The following DYNC1I1 variants were observed in gnomAD, a reference collection of about 807,000 sequenced individuals.
DYNC1I1 encodes the protein dynein cytoplasmic 1 intermediate chain 1.
A neutral mutation model predicts 86.6 loss-of-function variants in DYNC1I1; 43 were observed. That is an observed-to-expected ratio of 0.50 (90% CI 0.39 to 0.64). DYNC1I1 has a LOEUF of 0.64. Ranked by LOEUF, DYNC1I1 falls within the 30% of genes least tolerant of loss-of-function variation. The pLI, the probability that DYNC1I1 is intolerant of heterozygous loss-of-function variation, is 0.00. For synonymous variants in DYNC1I1, 262 were observed against 283.7 expected (o/e 0.92, Z 0.77); for missense variants, 604 against 788.8 (o/e 0.77, Z 2.81).
At chr7:96,106,899 A>C (rs552486600) in intron 16 of DYNC1I1, among the ~76,000 whole-genome samples, 2 of 152,318 alleles carry the variant, frequency 1.3e-5, no homozygotes, top group Non-Finnish European at 2.9e-5. Flanking sequence ...AATTCTTCAG[A>C]TCTTATGTGG....
chr7:95,836,359 C>A (rs1240831750), intron 5 of DYNC1I1, among the ~76,000 whole-genome samples: 2 of 152,028 alleles, frequency 1.3e-5, no homozygotes, highest in African/African-American at 4.8e-5. Context: ...ATGGGCTTCC[C>A]TTTGAGGGTA....
intron 5 of DYNC1I1, among the ~76,000 whole-genome samples, chr7:95,850,437 G>T (rs112846862): frequency 6.0e-4 from 91 of 152,226 alleles, no homozygotes; most frequent in African/African-American, 2.1e-3. Context: ...TTTGCCAACT[G>T]CTCTTTTTGC....
intron 10 of DYNC1I1, among the ~76,000 whole-genome samples, chr7:96,008,994 A>G (rs1047404029): frequency 7.2e-5 from 11 of 152,210 alleles, no homozygotes; most frequent in Admixed American, 2.6e-4. Flanking sequence ...ATGGCAAAAT[A>G]TTATGTTGCT....
At chr7:95,947,186 G>A (rs1485777371) in intron 6 of DYNC1I1, among the ~76,000 whole-genome samples, 3 of 152,194 alleles carry the variant, frequency 2.0e-5, no homozygotes, top group Non-Finnish European at 4.4e-5. Context: ...ATAAAATAGT[G>A]TGTGCAAAAT....
chr7:95,874,310 C>CT (rs1790247414), intron 6 of DYNC1I1, among the ~76,000 whole-genome samples: 1 of 152,198 alleles, frequency 6.6e-6, no homozygotes, highest in Admixed American at 6.5e-5. Context: ...TCCCACGTGA[C>CT]TATCTCCTGA....
intron 5 of DYNC1I1, among the ~76,000 whole-genome samples, chr7:95,868,181 C>T (rs1043577288): frequency 2.6e-5 from 4 of 152,200 alleles, no homozygotes; most frequent in Non-Finnish European, 4.4e-5. Context: ...TTCAGGCCTG[C>T]GTGGAGCCTG....
At chr7:95,887,262 A>G (rs1032387599) in intron 6 of DYNC1I1, among the ~76,000 whole-genome samples, 1 of 152,206 alleles carries the variant, frequency 6.6e-6, no homozygotes, top group Non-Finnish European at 1.5e-5. Flanking sequence ...CCAGGTAATT[A>G]GAAAGCACAG....
chr7:96,004,341 A>T (rs773019239), intron 10 of DYNC1I1, among the ~76,000 whole-genome samples: 2 of 152,162 alleles, frequency 1.3e-5, no homozygotes, highest in African/African-American at 4.8e-5. Context: ...TATGCCTTAT[A>T]TGCTACAAAT....
At chr7:95,932,940 G>A (rs539150160) in intron 6 of DYNC1I1, among the ~76,000 whole-genome samples, 1 of 150,010 alleles carries the variant, frequency 6.7e-6, no homozygotes, top group Admixed American at 6.7e-5. Flanking sequence ...GAGTACAGTG[G>A]CACAATCATA....
intron 1 of DYNC1I1, among the ~76,000 whole-genome samples, chr7:95,781,989 A>G (rs1293644705): frequency 1.3e-5 from 2 of 152,194 alleles, no homozygotes; most frequent in Non-Finnish European, 2.9e-5. Context: ...GGACCAACAC[A>G]ACAAAAAAAT....
intron 6 of DYNC1I1, among the ~76,000 whole-genome samples, chr7:95,929,084 G>A (rs542959909): frequency 2.9e-4 from 44 of 152,270 alleles, no homozygotes; most frequent in African/African-American, 1.0e-3. Context: ...CTCAACAAAT[G>A]CATAAAGATG....
chr7:96,018,805 G>A (rs943609796), intron 10 of DYNC1I1, among the ~76,000 whole-genome samples: 6 of 152,208 alleles, frequency 3.9e-5, no homozygotes, highest in African/African-American at 1.4e-4. Flanking sequence ...TGGGCTGGTT[G>A]TGAAAATGAC....
At chr7:95,871,969 T>A (rs1790182578) in intron 6 of DYNC1I1, among the ~76,000 whole-genome samples, 1 of 152,240 alleles carries the variant, frequency 6.6e-6, no homozygotes, top group Non-Finnish European at 1.5e-5. Context: ...TGGATGGATT[T>A]GGACAGAAAA....
chr7:96,082,761 A>T (rs569100987), intron 16 of DYNC1I1, among the ~76,000 whole-genome samples: 3 of 152,322 alleles, frequency 2.0e-5, no homozygotes, highest in Non-Finnish European at 4.4e-5. Flanking sequence ...CTTGAATATG[A>T]CATATTTTGT....
chr7:95,921,635 G>A (rs1029406682), intron 6 of DYNC1I1, among the ~76,000 whole-genome samples: 2 of 152,126 alleles, frequency 1.3e-5, no homozygotes, highest in East Asian at 3.9e-4. Flanking sequence ...CACACACCCT[G>A]GTCACCTTCC....
At chr7:95,983,745 G>A (rs1793513991) in intron 7 of DYNC1I1, among the ~76,000 whole-genome samples, 1 of 152,184 alleles carries the variant, frequency 6.6e-6, no homozygotes, top group Non-Finnish European at 1.5e-5. Flanking sequence ...GGTTGTGGAA[G>A]TGCTTGGAAA....
chr7:95,917,907 G>A lies in DYNC1I1; in HGVS notation c.490+47909G>A, dbSNP rs77820449. Among the ~76,000 whole-genome samples the A allele has an allele frequency of 2.8e-3, 420 of 152,254 alleles. 2 individuals are homozygous for A. The highest frequency in any genetic ancestry group is 9.6e-3 in the African/African-American group (400 of 41,554). On this transcript the variant is annotated intron_variant, in intron 6 of 16. Transcript: ENST00000447467. ...TCTCCGTGAAACATTCTGCCCCTTG[G>A]CCTGGGGCTGCAGGAGAGCATCAAT...
At position 96,097,960 on chromosome 7, in the gene DYNC1I1, T is replaced by C. The variant is rs1791065998; in HGVS notation, c.*367T>C. ...TATTAAATCCATATGAAGCCAGATATGATTGGGTGCAGATGTGGTGTTCCT... is the reference window on the plus strand; with the variant it reads ...TATTAAATCCATATGAAGCCAGATACGATTGGGTGCAGATGTGGTGTTCCT... On this transcript the variant is annotated 3_prime_UTR_variant, in exon 17 of 17. Coordinates refer to ENST00000447467, the MANE Select transcript of DYNC1I1 (RefSeq NM_001135556.2). 3.9e-6 allele frequency: 4 copies of C among 1,014,572 alleles called. No homozygotes were observed. Among genetic ancestry groups the C allele is most frequent in the Non-Finnish European group, 4.7e-6 (4 of 846,980 alleles). 62.8% of individuals were successfully genotyped at this position (1,014,572 alleles called of 1,614,324 possible).
At chr7:95,829,636 G>C (rs1795277849) in intron 5 of DYNC1I1, among the ~76,000 whole-genome samples, 1 of 152,046 alleles carries the variant, frequency 6.6e-6, no homozygotes, top group South Asian at 2.1e-4. Flanking sequence ...TGCTGATGTG[G>C]AATAGTTTGG....
Sources: allele counts gnomAD v4.1 joint callset (sites outside exome capture counted in the v4.1 genomes callset), GRCh38; gene constraint gnomAD v4.1.1; transcripts MANE v1.5; gene names NCBI Gene and HGNC (gene_info 2026-07-23, HGNC 2026-07-21).